The following DPYD variants were observed in gnomAD, a reference collection of about 807,000 sequenced individuals.
DPYD encodes dihydropyrimidine dehydrogenase [NADP(+)].
A neutral mutation model predicts 116.2 loss-of-function variants in DPYD; 109 were observed. The observed-to-expected ratio is 0.94, with a 90% CI of 0.80 to 1.10. The LOEUF is 1.10. Among genes scored for constraint, DPYD ranks in the 50% least tolerant of loss-of-function variants. DPYD has a pLI of 0.00. For synonymous variants in DPYD, 440 were observed against 432.0 expected (o/e 1.02, Z -0.23); for missense variants, 1,302 against 1,254.5 (o/e 1.04, Z -0.57).
At chr1:97,090,599 C>A (rs1649834512) in intron 21 of DPYD, among the ~76,000 whole-genome samples, 1 of 152,192 alleles carries the variant, frequency 6.6e-6, no homozygotes, top group African/African-American at 2.4e-5. Context: ...TTACCCAAGG[C>A]AGAACTAATC....
chr1:97,122,668 C>A (rs564469039), intron 20 of DPYD, among the ~76,000 whole-genome samples: 1 of 152,052 alleles, frequency 6.6e-6, no homozygotes, highest in Non-Finnish European at 1.5e-5. Context: ...CATGGCATTG[C>A]GAAAAGTCAG....
intron 10 of DPYD, among the ~76,000 whole-genome samples, 198 bp from the exon 11 acceptor site, chr1:97,574,168 T>G (rs1169955997): frequency 6.6e-6 from 1 of 152,174 alleles, no homozygotes; most frequent in African/African-American, 2.4e-5. Flanking sequence ...GAATTGGAGT[T>G]GTAATGTGGA....
intron 14 of DPYD, among the ~76,000 whole-genome samples, chr1:97,437,608 G>A (rs942170355): frequency 2.0e-5 from 3 of 151,738 alleles, no homozygotes; most frequent in African/African-American, 7.3e-5. Flanking sequence ...ATGGGTATAT[G>A]TTTAAATTTC....
intron 2 of DPYD, among the ~76,000 whole-genome samples, chr1:97,842,330 T>C (rs1044410857): frequency 1.3e-5 from 2 of 151,992 alleles, no homozygotes; most frequent in African/African-American, 4.8e-5. Flanking sequence ...ATAACAAGTA[T>C]AATAAAATTA....
At chr1:97,860,899 TAAA>T (rs932455661) in intron 2 of DPYD, among the ~76,000 whole-genome samples, 23 of 152,084 alleles carry the variant, frequency 1.5e-4, no homozygotes, top group African/African-American at 5.3e-4. Context: ...AGGAGGGACT[TAAA>T]AAAGAGATCA....
intron 11 of DPYD, among the ~76,000 whole-genome samples, chr1:97,559,750 A>G (rs1205908906): frequency 6.6e-6 from 1 of 152,182 alleles, no homozygotes; most frequent in Non-Finnish European, 1.5e-5. Flanking sequence ...TGTGCAATTC[A>G]AAAGTATAGT....
At chr1:97,768,678 C>T (rs542080747) in intron 3 of DPYD, among the ~76,000 whole-genome samples, 5 of 152,220 alleles carry the variant, frequency 3.3e-5, no homozygotes, top group Non-Finnish European at 7.4e-5. Flanking sequence ...AAATGCTCCA[C>T]ATTTTTTGCT....
intron 14 of DPYD, among the ~76,000 whole-genome samples, chr1:97,401,099 T>C (rs975968885): frequency 9.2e-5 from 14 of 152,164 alleles, no homozygotes; most frequent in African/African-American, 3.4e-4. Context: ...TTATCTGCTA[T>C]CTGTTTATCT....
At chr1:97,774,881 A>T (rs1666316527) in intron 3 of DPYD, 2 of 223,792 alleles carry the variant, frequency 8.9e-6, no homozygotes, top group South Asian at 1.5e-4. Context: ...CTTTGAAAAC[A>T]TACAAGGGAA....
At chr1:97,868,882 A>T (rs1366520022) in intron 2 of DPYD, among the ~76,000 whole-genome samples, 2 of 151,858 alleles carry the variant, frequency 1.3e-5, no homozygotes, top group Non-Finnish European at 2.9e-5. Flanking sequence ...GGTTGTCTAT[A>T]TCTCAAACAT....
intron 20 of DPYD, among the ~76,000 whole-genome samples, chr1:97,157,516 T>C (rs1303195830): frequency 6.6e-6 from 1 of 152,164 alleles, no homozygotes; most frequent in Non-Finnish European, 1.5e-5. Context: ...GTTATCCCTA[T>C]ATGGAGTTTC....
chr1:97,432,941 G>A (rs967034782), intron 14 of DPYD, among the ~76,000 whole-genome samples: 1 of 152,118 alleles, frequency 6.6e-6, no homozygotes, highest in African/African-American at 2.4e-5. Flanking sequence ...TGTTAATCCA[G>A]TAACCAACTT....
chr1:97,885,366 C>T (rs759253188), intron 1 of DPYD, among the ~76,000 whole-genome samples: 2 of 151,968 alleles, frequency 1.3e-5, no homozygotes, highest in Non-Finnish European at 2.9e-5. Context: ...TCCACCTCTA[C>T]TAATGTAATT....
intron 8 of DPYD, among the ~76,000 whole-genome samples, chr1:97,631,965 TA>T (rs1657287107): frequency 6.6e-6 from 1 of 152,108 alleles, no homozygotes; most frequent in African/African-American, 2.4e-5. Flanking sequence ...ACAGGACTTC[TA>T]AAATTCTATA....
intron 18 of DPYD, among the ~76,000 whole-genome samples, chr1:97,281,411 AAT>A (rs1375807801): frequency 6.6e-6 from 1 of 151,770 alleles, no homozygotes; most frequent in Non-Finnish European, 1.5e-5. Context: ...AAAATATATA[AAT>A]ATATATATGG....
At chr1:97,785,926 C>G (rs1666993035) in intron 3 of DPYD, among the ~76,000 whole-genome samples, 1 of 151,232 alleles carries the variant, frequency 6.6e-6, no homozygotes, top group Non-Finnish European at 1.5e-5. Flanking sequence ...ATCTCCTGAC[C>G]TCATGATCCG....
chr1:97,158,296 A>G (rs988826345), intron 20 of DPYD, among the ~76,000 whole-genome samples: 1 of 152,034 alleles, frequency 6.6e-6, no homozygotes, highest in Non-Finnish European at 1.5e-5. Flanking sequence ...ACAGCAAAAA[A>G]CATTTAAGTC....
chr1:97,686,402 C>T (rs1232713211), intron 7 of DPYD, among the ~76,000 whole-genome samples: 13 of 150,964 alleles, frequency 8.6e-5, no homozygotes, highest in Non-Finnish European at 1.3e-4. Context: ...TTTGGGAGGC[C>T]GAGGCGGGCG....
At chr1:97,823,864 CTTTTTT>C (rs56673700) in intron 3 of DPYD, among the ~76,000 whole-genome samples, 5 of 81,708 alleles carry the variant, frequency 6.1e-5, no homozygotes, top group South Asian at 6.1e-4. Flanking sequence ...ACTACAAAGT[CTTTTTT>C]TTTTTTTTTT....
Sources: allele counts gnomAD v4.1 joint callset (sites outside exome capture counted in the v4.1 genomes callset), GRCh38; gene constraint gnomAD v4.1.1; transcripts MANE v1.5; gene names NCBI Gene and HGNC (gene_info 2026-07-23, HGNC 2026-07-21).